The following LRRC4B variants were observed in gnomAD, a reference collection of about 807,000 sequenced individuals.
The protein encoded by LRRC4B is leucine rich repeat containing 4B.
Under a neutral mutation model 7.3 loss-of-function variants are expected in LRRC4B, and 1 was observed. The observed-to-expected ratio is 0.14, with a 90% CI of 0.05 to 0.65. The LOEUF (loss-of-function observed/expected upper bound fraction) is 0.65. Ranked by LOEUF, LRRC4B falls within the 30% of genes least tolerant of loss-of-function variation. LRRC4B has a pLI of 0.84. For missense variants in LRRC4B, 730 were observed against 1,041.6 expected, an observed-to-expected ratio of 0.70 and a Z score of 4.12; for synonymous variants, 500 against 499.2, an observed-to-expected ratio of 1.00 and a Z score of -0.02.
intron 2 of LRRC4B, among the ~76,000 whole-genome samples, chr19:50,525,787 C>T (rs1029295028): frequency 6.6e-5 from 10 of 152,034 alleles, no homozygotes; most frequent in Non-Finnish European, 1.3e-4. Flanking sequence ...CCCTGTCCTC[C>T]GACTCCCTGT....
Position 50,560,046 on chromosome 19 carries a change from A to C in LRRC4B, c.-36+7898T>G, listed in dbSNP as rs910516496. ...GCTACTCGGGAGGCTGAGGCAGGAG[A>C]ATCACTTGAACCTGGGAGGCGGAGG... On this transcript the variant is annotated intron_variant, in intron 1 of 2. Transcript: ENST00000652263. Among the ~76,000 whole-genome samples the C allele has an allele frequency of 2.0e-5, 3 of 152,186 alleles. No homozygotes were observed. In the South Asian group the frequency reaches 6.2e-4, roughly 32 times the overall value.
chr19:50,543,423 G>C (rs967073085), intron 2 of LRRC4B, among the ~76,000 whole-genome samples: 1 of 151,606 alleles, frequency 6.6e-6, no homozygotes, highest in Non-Finnish European at 1.5e-5. Context: ...GAACTCACAG[G>C]GCGGTGCTTC....
intron 2 of LRRC4B, among the ~76,000 whole-genome samples, chr19:50,544,026 T>A (rs1981683346): frequency 6.7e-6 from 1 of 149,630 alleles, no homozygotes. Context: ...CCCAACATGG[T>A]GAAACCCCGT....
At position 50,522,507 on chromosome 19, in the gene LRRC4B, C is replaced by T. The variant is rs186942030; in HGVS notation, c.298-3092G>A. On this transcript the variant is annotated intron_variant, in intron 2 of 2. Coordinates refer to ENST00000652263, the MANE Select transcript of LRRC4B (RefSeq NM_001080457.2). ...ATTTATTTATTTTGAGATGGAGTCT[C>T]GCTCTGTCGCCCAGCCTGGAGTGCA... 7.0e-5 allele frequency among the ~76,000 whole-genome samples: 10 copies of T among 143,370 alleles called. No individual in the cohort carries two copies. In the East Asian group the frequency reaches 1.8e-3, roughly 25 times the overall value. The allele number at this position is 143,370 out of a possible 152,430, so 94.1% of individuals were successfully genotyped here.
chr19:50,529,287 C>A (rs79920072), intron 2 of LRRC4B, among the ~76,000 whole-genome samples: 1 of 152,246 alleles, frequency 6.6e-6, no homozygotes, highest in African/African-American at 2.4e-5. Context: ...TGGGAGACAG[C>A]GGCTTTGTTT....
chr19:50,520,237 A>AAAAAG (rs1980510235), intron 2 of LRRC4B, among the ~76,000 whole-genome samples: 1 of 64,974 alleles, frequency 1.5e-5, no homozygotes, highest in Non-Finnish European at 2.8e-5. Context: ...AAAAAAAAAA[A>AAAAAG]AAAAAAAAAA....
chr19:50,519,737 TGTG>T lies in LRRC4B; in HGVS notation c.298-325_298-323del, dbSNP rs1980469953. 6.6e-6 allele frequency among the ~76,000 whole-genome samples: 1 copy of T among 151,534 alleles called. No individual in the cohort carries two copies. The highest frequency in any genetic ancestry group is 1.5e-5 in the Non-Finnish European group (1 of 67,934). On this transcript the variant is annotated intron_variant, in intron 2 of 2. Coordinates refer to ENST00000652263, the MANE Select transcript of LRRC4B (RefSeq NM_001080457.2). This position sits in a 1 kb window ranked among gnomAD's most constrained non-coding sequence, Gnocchi z 8.1. ...ACTAAAAATACAAAAATTAGCCAGG[TGTG>T]GTGGTGCGTGTAATCCCAGCTACTC... is the stretch of plus-strand genomic sequence containing the variant.
At position 50,561,843 on chromosome 19, in the gene LRRC4B, C is replaced by T. The variant is rs200078818; in HGVS notation, c.-36+6101G>A. ...GAGTGCAGTGGCTCACACCTGTAAT[C>T]CCAGCACTTTGGGAGGCTGAGGCAG... On this transcript the variant is annotated intron_variant, in intron 1 of 2. Coordinates refer to ENST00000652263, the MANE Select transcript of LRRC4B (RefSeq NM_001080457.2). Among the ~76,000 whole-genome samples the T allele has an allele frequency of 2.0e-5, 3 of 152,024 alleles. No individual in the cohort carries two copies. In the East Asian group the frequency reaches 5.8e-4, roughly 29 times the overall value.
intron 2 of LRRC4B, among the ~76,000 whole-genome samples, chr19:50,546,522 C>T (rs1425071679): frequency 2.0e-5 from 3 of 151,964 alleles, no homozygotes; most frequent in East Asian, 1.9e-4. Context: ...GGGCAGGGGG[C>T]GGTGCAAGAA....
chr19:50,518,351 C>T lies in LRRC4B; in HGVS notation c.1362G>A (p.Ser454=), dbSNP rs760569294. The T allele has an allele frequency of 6.2e-6, 10 of 1,605,300 alleles. No individual in the cohort carries two copies. Among genetic ancestry groups the T allele is most frequent in the African/African-American group, 5.4e-5 (4 of 74,688 alleles). ...CCCCGGCCGCCACGGGGTCCACGGC[C>T]GAGACGTTGAGCGTGGCCGAGGCGG... ...NTTASATLNV[S]AVDPVAAGGT... is the part of the protein sequence containing the mutation. The change falls in exon 3 of 3, where the codon TCG becomes TCA. Residue 454 remains serine (S), a synonymous_variant. Coordinates refer to ENST00000652263, the MANE Select transcript of LRRC4B (RefSeq NM_001080457.2).
At chr19:50,527,479 T>C (rs1010128380) in intron 2 of LRRC4B, among the ~76,000 whole-genome samples, 6 of 151,380 alleles carry the variant, frequency 4.0e-5, no homozygotes, top group African/African-American at 1.5e-4. Context: ...GAGCCATTCA[T>C]TGTGGCTTGC....
rs1008192047 is a variant in LRRC4B at position 50,563,357 on chromosome 19, G to C, written c.-36+4587C>G. On this transcript the variant is annotated intron_variant, in intron 1 of 2. Coordinates refer to ENST00000652263, the MANE Select transcript of LRRC4B (RefSeq NM_001080457.2). This position sits in a 1 kb window ranked among gnomAD's most constrained non-coding sequence, Gnocchi z 4.9. ...TCGAAGGGAAGGGAGGTTCTCCCCAGTGGGGACAAAGGGTCTCCAAACTCA... is the reference window on the plus strand; with the variant it reads ...TCGAAGGGAAGGGAGGTTCTCCCCACTGGGGACAAAGGGTCTCCAAACTCA... Among the ~76,000 whole-genome samples the C allele has an allele frequency of 6.6e-5, 10 of 152,178 alleles. No individual in the cohort carries two copies. The highest frequency in any genetic ancestry group is 1.3e-4 in the Non-Finnish European group (9 of 68,016).
Position 50,518,333 on chromosome 19 carries a change from C to T in LRRC4B, c.1380G>A (p.Ala460=), listed in dbSNP as rs543290446. The T allele has an allele frequency of 3.7e-6, 6 of 1,605,954 alleles. No individual in the cohort carries two copies. Among genetic ancestry groups the T allele is most frequent in the Middle Eastern group, 1.7e-4 (1 of 5,984 alleles). Residue 460 remains alanine, a synonymous_variant, in exon 3 of 3, where the codon GCG becomes GCA. Coordinates refer to ENST00000652263, the MANE Select transcript of LRRC4B (RefSeq NM_001080457.2). ...TLNVSAVDPV[A]AGGTGSGGGG... ...CCCCGCCGCTGCCGGTGCCCCCGGC[C>T]GCCACGGGGTCCACGGCCGAGACGT...
Position 50,519,942 on chromosome 19 carries a change from C to A in LRRC4B, c.298-527G>T, listed in dbSNP as rs575979656. On this transcript the variant is annotated intron_variant, in intron 2 of 2. Transcript: ENST00000652263. This position sits in a 1 kb window ranked among gnomAD's most constrained non-coding sequence, Gnocchi z 8.1. ...CACAGGGGTGGCTCATGCCTGTAAT[C>A]CCAGCACTTTGGGAGGCTGAGGTGG... Among the ~76,000 whole-genome samples, 1 of 151,654 alleles carries A rather than the reference C, an allele frequency of 6.6e-6. No individual in the cohort carries two copies. Among genetic ancestry groups the A allele is most frequent in the African/African-American group, 2.4e-5 (1 of 41,278 alleles).
At chr19:50,543,639 G>A (rs577582350) in intron 2 of LRRC4B, among the ~76,000 whole-genome samples, 2 of 151,646 alleles carry the variant, frequency 1.3e-5, no homozygotes, top group South Asian at 4.2e-4. Context: ...ATCCCTTGAG[G>A]CCAGGAGTTC....
intron 2 of LRRC4B, among the ~76,000 whole-genome samples, chr19:50,535,011 G>GGT (rs879895752): frequency 0.099 from 15,036 of 151,880 alleles, 938 homozygotes; most frequent in Middle Eastern, 0.17. Flanking sequence ...TGGGATTACA[G>GGT]GCGCCTGCCA....
intron 1 of LRRC4B, among the ~76,000 whole-genome samples, chr19:50,558,155 C>T (rs1158955556): frequency 1.3e-5 from 2 of 151,922 alleles, no homozygotes; most frequent in African/African-American, 4.8e-5. Flanking sequence ...GCACAGGGGG[C>T]TGGCACCCCT....
rs1162208304 is a variant in LRRC4B at position 50,556,192 on chromosome 19, C to A, written c.-35-7319G>T. On this transcript the variant is annotated intron_variant, in intron 1 of 2. Coordinates refer to ENST00000652263, the MANE Select transcript of LRRC4B (RefSeq NM_001080457.2). The surrounding 1 kb of genome is among the most constrained non-coding windows in gnomAD (Gnocchi z 4.2). Reference sequence around the variant, plus strand: ...AGGACTAGGGGCTTGGCTCAGCTCACGAATTTCCCGGGCCACTGGCCACTG... The same window carrying A: ...AGGACTAGGGGCTTGGCTCAGCTCAAGAATTTCCCGGGCCACTGGCCACTG... 6.6e-6 allele frequency among the ~76,000 whole-genome samples: 1 copy of A among 151,756 alleles called. No individual in the cohort carries two copies. Among genetic ancestry groups the A allele is most frequent in the Non-Finnish European group, 1.5e-5 (1 of 67,962 alleles).
chr19:50,567,882 C>T (rs1982688475), intron 1 of LRRC4B, 62 bp downstream of exon 1: 1 of 139,732 alleles, frequency 7.2e-6, no homozygotes, highest in Non-Finnish European at 1.6e-5. Context: ...GCCCCCCACC[C>T]ACCCCCCGCG....
Sources: allele counts gnomAD v4.1 joint callset (sites outside exome capture counted in the v4.1 genomes callset), GRCh38; gene constraint gnomAD v4.1.1; non-coding constraint Gnocchi (gnomAD v3.1); transcripts MANE v1.5; gene names NCBI Gene and HGNC (gene_info 2026-07-23, HGNC 2026-07-21).